The following NCOA3 variants were observed in gnomAD, a reference collection of about 807,000 sequenced individuals.
NCOA3 encodes the protein CBP-interacting protein.
Under a neutral mutation model 158.8 loss-of-function variants are expected in NCOA3, and 51 were observed. The ratio of observed to expected loss-of-function variants is 0.32; its 90% CI spans 0.26 to 0.41. NCOA3 has a LOEUF of 0.41. Ranked by LOEUF, NCOA3 falls within the 10% of genes least tolerant of loss-of-function variation. The pLI is 1.00. For synonymous variants in NCOA3, 537 were observed against 592.4 expected, an observed-to-expected ratio of 0.91 and a Z score of 1.36; for missense variants, 1,510 against 1,746.6, an observed-to-expected ratio of 0.86 and a Z score of 2.41.
chr20:47,597,669 A>G (rs1448931248), intron 2 of NCOA3, among the ~76,000 whole-genome samples: 1 of 151,488 alleles, frequency 6.6e-6, no homozygotes, highest in Non-Finnish European at 1.5e-5. Context: ...TTGTGTTTTT[A>G]GTAGAGATAG....
intron 8 of NCOA3, among the ~76,000 whole-genome samples, chr20:47,632,087 G>C (rs2086427548): frequency 6.6e-6 from 1 of 152,210 alleles, no homozygotes. Context: ...CCAGTTGCAA[G>C]TCCTGGCCTT....
Position 47,640,888 on chromosome 20 carries a change from TA to T in NCOA3, c.3080+851del, listed in dbSNP as rs3092259. 4.7e-3 allele frequency among the ~76,000 whole-genome samples: 669 copies of T among 142,936 alleles called. 1 individual carries two copies. Among genetic ancestry groups the T allele is most frequent in the African/African-American group, 0.014 (527 of 38,994 alleles). The allele number at this position is 142,936 out of a possible 152,430, so 93.8% of individuals were successfully genotyped here. A position where few individuals can be genotyped will look rare whatever the true frequency, so the allele number is the denominator to read the frequency against. On this transcript the variant is annotated intron_variant, in intron 16 of 22. Coordinates refer to ENST00000371998, the MANE Select transcript of NCOA3 (RefSeq NM_181659.3). Reference sequence around the variant, plus strand: ...GGGCAACAGAGTGAGACTCCGTCTCTAAAAAAAAAAAAAATTGTAGATTGTA... The same window carrying T: ...GGGCAACAGAGTGAGACTCCGTCTCTAAAAAAAAAAAAATTGTAGATTGTA...
chr20:47,582,243 G>T (rs2085465457), intron 1 of NCOA3, among the ~76,000 whole-genome samples: 2 of 151,786 alleles, frequency 1.3e-5, no homozygotes, highest in South Asian at 2.1e-4. Flanking sequence ...ATGGAGTTTT[G>T]CTTTTGTTGC....
chr20:47,597,968 G>A (rs1231339417), intron 2 of NCOA3, among the ~76,000 whole-genome samples: 2 of 151,306 alleles, frequency 1.3e-5, no homozygotes, highest in Admixed American at 6.6e-5. Flanking sequence ...GGCTTCTGCC[G>A]GGCGTGGTGG....
chr20:47,548,813 G>A (rs1196645786), intron 1 of NCOA3, among the ~76,000 whole-genome samples: 1 of 151,982 alleles, frequency 6.6e-6, no homozygotes, highest in Non-Finnish European at 1.5e-5. Context: ...ACTCTGTTCT[G>A]CGTACTGCTG....
rs576628721 is a variant in NCOA3 at position 47,603,589 on chromosome 20, G to A, written c.-19-18640G>A. Among the ~76,000 whole-genome samples the A allele has an allele frequency of 2.0e-5, 3 of 152,344 alleles. No homozygotes were observed. In the East Asian group the frequency reaches 5.8e-4, roughly 29 times the overall value. ...ATCGAGGAAGAATCAGGTCACACAC[G>A]GACTTGAGGATGGTGAATGTGGGGA... is the stretch of plus-strand genomic sequence containing the variant. On this transcript the variant is annotated intron_variant, in intron 2 of 22. Transcript: ENST00000371998.
chr20:47,537,618 G>T (rs2084656385), intron 1 of NCOA3, among the ~76,000 whole-genome samples: 2 of 149,684 alleles, frequency 1.3e-5, no homozygotes, highest in South Asian at 2.1e-4. Context: ...TTGCTCTGTC[G>T]CCCAAGCTGG....
At chr20:47,582,396 A>T (rs936306175) in intron 1 of NCOA3, among the ~76,000 whole-genome samples, 6 of 152,204 alleles carry the variant, frequency 3.9e-5, no homozygotes, top group African/African-American at 1.4e-4. Context: ...TATTTTTAGT[A>T]GATATGGGGT....
chr20:47,555,018 C>T (rs1160074863), intron 1 of NCOA3, among the ~76,000 whole-genome samples: 2 of 152,066 alleles, frequency 1.3e-5, no homozygotes, highest in Admixed American at 1.3e-4. Flanking sequence ...AGATATAGAC[C>T]AATGGAACAG....
intron 2 of NCOA3, among the ~76,000 whole-genome samples, chr20:47,617,281 G>T (rs2284322): frequency 0.13 from 20,409 of 152,168 alleles, 1,958 homozygotes; most frequent in African/African-American, 0.26. Flanking sequence ...ATCAAACTTA[G>T]TGTGAGACTG....
chr20:47,652,124 T>C (rs1410921799), intron 20 of NCOA3, among the ~76,000 whole-genome samples: 1 of 152,072 alleles, frequency 6.6e-6, no homozygotes, highest in African/African-American at 2.4e-5. Context: ...GTGAGTTGAG[T>C]GATACGGAGT....
chr20:47,582,726 A>G (rs1049704578), intron 1 of NCOA3, among the ~76,000 whole-genome samples: 8 of 152,160 alleles, frequency 5.3e-5, no homozygotes, highest in African/African-American at 7.2e-5. Flanking sequence ...CATCTACTCA[A>G]ATTCCTAGGA....
intron 1 of NCOA3, among the ~76,000 whole-genome samples, chr20:47,508,689 G>C (rs890256339): frequency 6.6e-6 from 1 of 152,214 alleles, no homozygotes; most frequent in African/African-American, 2.4e-5. Flanking sequence ...GTTAATTGCT[G>C]TTGGTGGAAA....
intron 1 of NCOA3, among the ~76,000 whole-genome samples, chr20:47,543,847 G>A (rs1322712325): frequency 6.6e-6 from 1 of 152,136 alleles, no homozygotes; most frequent in Non-Finnish European, 1.5e-5. Context: ...TGGTCACCTG[G>A]TGTGGGTACA....
intron 1 of NCOA3, among the ~76,000 whole-genome samples, chr20:47,576,269 G>A (rs1046737167): frequency 6.6e-6 from 1 of 152,132 alleles, no homozygotes; most frequent in African/African-American, 2.4e-5. Context: ...TGGGGTATAG[G>A]CAAATCCTTC....
At chr20:47,580,265 G>A (rs1042940487) in intron 1 of NCOA3, among the ~76,000 whole-genome samples, 1 of 151,982 alleles carries the variant, frequency 6.6e-6, no homozygotes, top group African/African-American at 2.4e-5. Flanking sequence ...GATACTTTCT[G>A]ACTCAAATTC....
rs1041040125 is a variant in NCOA3 at position 47,656,255 on chromosome 20, G to C, written c.*2838G>C. ...AATAAACGGAAGTTACATTGTTAAT[G>C]TTCATATTATGATGCCACTTTTCTA... is the stretch of plus-strand genomic sequence containing the variant. On this transcript the variant is annotated 3_prime_UTR_variant, in exon 23 of 23. Transcript: ENST00000371998. 4 of 151,408 alleles carry C rather than the reference G, an allele frequency of 2.6e-5. No individual in the cohort carries two copies. The highest frequency in any genetic ancestry group is 9.7e-5 in the African/African-American group (4 of 41,188). The allele number at this position is 151,408 out of a possible 1,614,324, so 9.4% of individuals were successfully genotyped here.
intron 1 of NCOA3, among the ~76,000 whole-genome samples, chr20:47,539,347 AAAAAT>A (rs1329748729): frequency 2.0e-5 from 3 of 152,184 alleles, no homozygotes; most frequent in African/African-American, 7.2e-5. Flanking sequence ...GTCTCCAGGA[AAAAAT>A]AAAATAAAAG....
intron 1 of NCOA3, among the ~76,000 whole-genome samples, chr20:47,513,464 G>T (rs573504603): frequency 1.3e-5 from 2 of 152,000 alleles, no homozygotes; most frequent in Non-Finnish European, 2.9e-5. Flanking sequence ...GGCGGCTCAA[G>T]CCTGTAACCT....
Sources: gnomAD v4.1 joint callset for allele counts (sites outside exome capture counted in the v4.1 genomes callset) on GRCh38, gnomAD v4.1.1 for gene constraint, MANE v1.5 for transcripts, NCBI Gene and HGNC (gene_info 2026-07-23, HGNC 2026-07-21) for gene names.